The following WDSUB1 variants were observed in gnomAD, a reference collection of about 807,000 sequenced individuals.
The protein encoded by WDSUB1 is WD repeat, sterile alpha motif and U-box domain containing 1, also known as WD repeat, SAM and U-box domain-containing protein 1.
A neutral mutation model predicts 53.9 loss-of-function variants in WDSUB1; 49 were observed. The ratio of observed to expected loss-of-function variants is 0.91; its 90% CI spans 0.72 to 1.15. WDSUB1 has a LOEUF of 1.15. WDSUB1 is among the 50% of genes most tolerant of loss of function. The pLI is 0.00. For synonymous variants in WDSUB1, 194 were observed against 200.6 expected (o/e 0.97, Z 0.28); for missense variants, 514 against 562.0 (o/e 0.91, Z 0.86).
At chr2:159,244,796 A>G (rs1316552393) in intron 10 of WDSUB1, among the ~76,000 whole-genome samples, 1 of 152,040 alleles carries the variant, frequency 6.6e-6, no homozygotes, top group African/African-American at 2.4e-5. Context: ...CGGGCATGGT[A>G]GTAGGTGTTT....
intron 10 of WDSUB1, among the ~76,000 whole-genome samples, chr2:159,247,898 T>TATAA (rs2060841725): frequency 3.5e-5 from 1 of 28,740 alleles, no homozygotes; most frequent in Non-Finnish European, 6.6e-5. Context: ...TATATATATA[T>TATAA]ATATATATAT....
chr2:159,236,193 A>T lies in WDSUB1; in HGVS notation c.1274-3T>A, dbSNP rs751049917. The T allele has an allele frequency of 9.0e-6, 5 of 553,724 alleles. No homozygotes were observed. In the South Asian group the frequency reaches 1.6e-4, roughly 17 times the overall value. 34.3% of individuals were successfully genotyped at this position (553,724 alleles called of 1,614,324 possible). A position where few individuals can be genotyped will look rare whatever the true frequency, so the allele number is the denominator to read the frequency against. ...TTCCTTTTCATATGAATAGCCATCT[A>T]AAAAAAAAAAATCACACAAATTACA... is the stretch of plus-strand genomic sequence containing the variant. On this transcript the variant is annotated splice_region_variant and splice_polypyrimidine_tract_variant and intron_variant, in intron 10 of 10. Coordinates refer to ENST00000359774, the MANE Select transcript of WDSUB1 (RefSeq NM_001128212.3).
chr2:159,259,911 A>AT, intron 5 of WDSUB1, 68 bp from the exon 6 acceptor site: 1 of 1,361,290 alleles, frequency 7.3e-7, no homozygotes, highest in South Asian at 1.4e-5. Flanking sequence ...TGTAATTAGT[A>AT]TTTTTAAGTA....
chr2:159,255,332 T>C (rs1043811508), intron 9 of WDSUB1, among the ~76,000 whole-genome samples: 3 of 152,038 alleles, frequency 2.0e-5, no homozygotes, highest in Non-Finnish European at 2.9e-5. Context: ...CCAGGCATGG[T>C]GGCAGGCGCC....
chr2:159,257,543 T>C (rs772634704), intron 8 of WDSUB1, among the ~76,000 whole-genome samples: 1 of 152,078 alleles, frequency 6.6e-6, no homozygotes, highest in Non-Finnish European at 1.5e-5. Flanking sequence ...TGCACCATCA[T>C]GCTGAGCTAC....
chr2:159,248,599 G>A, intron 9 of WDSUB1, 87 bp from the exon 10 acceptor site: 5 of 1,361,444 alleles, frequency 3.7e-6, no homozygotes, highest in Non-Finnish European at 4.8e-6. Flanking sequence ...CACAAATAGA[G>A]TTTGTTGTTG....
chr2:159,254,008 T>A (rs1343567062), intron 9 of WDSUB1, among the ~76,000 whole-genome samples: 1 of 152,230 alleles, frequency 6.6e-6, no homozygotes, highest in Non-Finnish European at 1.5e-5. Context: ...CTCCATATCT[T>A]AAACACAAGC....
intron 8 of WDSUB1, 74 bp downstream of exon 8, chr2:159,257,684 A>T: frequency 7.3e-7 from 1 of 1,361,598 alleles, no homozygotes; most frequent in Non-Finnish European, 1.0e-6. Flanking sequence ...CGCGGTGCCC[A>T]GCCCGATTTA....
At chr2:159,280,356 T>C (rs1485679418) in intron 2 of WDSUB1, among the ~76,000 whole-genome samples, 3 of 152,170 alleles carry the variant, frequency 2.0e-5, no homozygotes, top group African/African-American at 4.8e-5. Context: ...TTGGAAAATA[T>C]GTTATTGGAG....
intron 10 of WDSUB1, among the ~76,000 whole-genome samples, chr2:159,242,082 G>A (rs529537830): frequency 4.3e-5 from 6 of 138,010 alleles, no homozygotes; most frequent in East Asian, 2.5e-4. Flanking sequence ...ATGGAGTCTC[G>A]CTCTGTCGCC....
intron 10 of WDSUB1, among the ~76,000 whole-genome samples, chr2:159,239,580 T>C (rs141624666): frequency 0.03 from 4,302 of 145,682 alleles, 99 homozygotes; most frequent in South Asian, 0.058. Context: ...CTGACTGTAA[T>C]GGGAATGCTT....
intron 1 of WDSUB1, among the ~76,000 whole-genome samples, chr2:159,285,414 G>A (rs1453118726): frequency 6.6e-6 from 1 of 150,738 alleles, no homozygotes; most frequent in African/African-American, 2.4e-5. Context: ...CTCTACCAAA[G>A]AAAAAAAAAG....
chr2:159,239,017 T>C (rs188233729), intron 10 of WDSUB1, among the ~76,000 whole-genome samples: 1 of 152,294 alleles, frequency 6.6e-6, no homozygotes, highest in Non-Finnish European at 1.5e-5. Context: ...GTGGTTTTTT[T>C]CTAAGATAGG....
rs757918261 is a variant in WDSUB1 at position 159,282,647 on chromosome 2, A to G, written c.398+25T>C. 9.4e-6 allele frequency: 15 copies of G among 1,587,376 alleles called. No individual in the cohort carries two copies. The South Asian group carries it at 1.6e-4, about 17-fold the overall frequency. On this transcript the variant is annotated intron_variant, in intron 2 of 10. Transcript: ENST00000359774. ...AGTACACCTAGTCAACAGGATTAAA[A>G]CAGGAAGGATTTAAATATCCATACC...
chr2:159,256,163 T>C, intron 9 of WDSUB1, 33 bp downstream of exon 9: 1 of 1,563,594 alleles, frequency 6.4e-7, no homozygotes, highest in Non-Finnish European at 8.6e-7. Flanking sequence ...GTAAAAGTTG[T>C]TTTGAAGATT....
At chr2:159,244,814 C>T (rs1038008310) in intron 10 of WDSUB1, among the ~76,000 whole-genome samples, 7 of 152,098 alleles carry the variant, frequency 4.6e-5, no homozygotes, top group South Asian at 4.1e-4. Flanking sequence ...TTTGTGGTTC[C>T]AGCTACTTGG....
At chr2:159,260,852 C>T (rs2061173521) in intron 5 of WDSUB1, among the ~76,000 whole-genome samples, 1 of 152,202 alleles carries the variant, frequency 6.6e-6, no homozygotes, top group Non-Finnish European at 1.5e-5. Flanking sequence ...GTACCACACT[C>T]TGCAGAACAT....
intron 1 of WDSUB1, among the ~76,000 whole-genome samples, chr2:159,285,100 C>T (rs371524506): frequency 3.9e-5 from 6 of 152,222 alleles, no homozygotes; most frequent in African/African-American, 1.4e-4. Flanking sequence ...GGAGTAGGTA[C>T]TTTGCCATCT....
rs1158092435 is a variant in WDSUB1, at chr2:159,279,763, G to A, written c.581C>T (p.Ser194Phe). ...CTTAAAAGAATAAAATAACCAACCA[G>A]AAACTGGCTGTGAAGAAAAATCGCA... Reference protein sequence around the residue: ...TCCDFSSQPVSDGEQGLQFFR... With the variant: ...TCCDFSSQPVFDGEQGLQFFR... The change falls in exon 3 of 11, where the codon TCT (serine) becomes TTT (phenylalanine). Residue 194 changes from serine to phenylalanine, a missense_variant and splice_region_variant. By Grantham distance (155) the Ser-to-Phe change is radical. Coordinates refer to ENST00000359774, the MANE Select transcript of WDSUB1 (RefSeq NM_001128212.3). 1.4e-5 allele frequency: 22 copies of A among 1,602,322 alleles called. No homozygotes were observed. The highest frequency in any genetic ancestry group is 1.6e-5 in the Non-Finnish European group (19 of 1,173,426).
Sources: allele counts gnomAD v4.1 joint callset (sites outside exome capture counted in the v4.1 genomes callset), GRCh38; gene constraint gnomAD v4.1.1; transcripts MANE v1.5; gene names NCBI Gene and HGNC (gene_info 2026-07-23, HGNC 2026-07-21).